TRAF3IP1: variants seen among roughly 807,000 people sequenced by gnomAD.
The protein encoded by TRAF3IP1 is TRAF3-interacting protein 1.
In TRAF3IP1, 53 loss-of-function variants were observed where a neutral mutation model predicts 89.9. The observed-to-expected ratio is 0.59, with a 90% confidence interval of 0.47 to 0.74. TRAF3IP1 has a LOEUF of 0.74. Ranked by LOEUF, TRAF3IP1 falls within the 30% of genes least tolerant of loss-of-function variation. The probability of loss-of-function intolerance (pLI) is 0.00; values close to 1 mark genes in which losing one functional copy is unlikely to be tolerated. For synonymous variants in TRAF3IP1, 311 were observed against 322.1 expected (o/e 0.97, Z 0.37); for missense variants, 806 against 866.1 (o/e 0.93, Z 0.87).
intron 9 of TRAF3IP1, among the ~76,000 whole-genome samples, chr2:238,346,589 G>A (rs117734673): frequency 6.6e-6 from 1 of 152,170 alleles, no homozygotes; most frequent in Non-Finnish European, 1.5e-5. Context: ...CGAGCTAGAG[G>A]TGTCTGTAGA....
chr2:238,336,593 C>A (rs1698399166), intron 7 of TRAF3IP1, among the ~76,000 whole-genome samples: 2 of 151,922 alleles, frequency 1.3e-5, no homozygotes, highest in Admixed American at 1.3e-4. Context: ...AGCATTCTGC[C>A]TGAGAATATT....
At chr2:238,354,337 T>C (rs527883940) in intron 14 of TRAF3IP1, among the ~76,000 whole-genome samples, 2 of 152,370 alleles carry the variant, frequency 1.3e-5, no homozygotes, top group African/African-American at 4.8e-5. Context: ...GGGTTGCTTC[T>C]TGTTTCCAGG....
chr2:238,331,098 G>A lies in TRAF3IP1; in HGVS notation c.916-1726G>A, dbSNP rs149671910. Reference sequence around the variant, plus strand: ...AAGCCTTCGGATTGAGGGTCCCCACGTTATGTTCCCTAAAACTGCTAATGA... The same window carrying A: ...AAGCCTTCGGATTGAGGGTCCCCACATTATGTTCCCTAAAACTGCTAATGA... On this transcript the variant is annotated intron_variant, in intron 5 of 16. Coordinates refer to ENST00000373327, the MANE Select transcript of TRAF3IP1 (RefSeq NM_015650.4). Among the ~76,000 whole-genome samples the A allele has an allele frequency of 2.3e-3, 344 of 152,136 alleles. 2 individuals carry two copies. The highest frequency in any genetic ancestry group is 7.7e-3 in the African/African-American group (319 of 41,488).
chr2:238,365,153 T>C (rs35285009), intron 15 of TRAF3IP1, among the ~76,000 whole-genome samples: 2,888 of 152,340 alleles, frequency 0.019, 43 homozygotes, highest in South Asian at 0.04. Flanking sequence ...ACTTTGGTGA[T>C]AGGAATAGAT....
At chr2:238,382,602 C>T (rs1700593542) in intron 15 of TRAF3IP1, among the ~76,000 whole-genome samples, 1 of 151,962 alleles carries the variant, frequency 6.6e-6, no homozygotes, top group South Asian at 2.1e-4. Context: ...AGGCCTTTTC[C>T]TGGGAGCGGC....
chr2:238,329,172 AC>A lies in TRAF3IP1; in HGVS notation c.746del (p.Thr249LysfsTer14). 1 of 1,563,402 alleles carries A rather than the reference AC, an allele frequency of 6.4e-7. No homozygotes were observed. The highest frequency in any genetic ancestry group is 8.6e-7 in the Non-Finnish European group (1 of 1,157,354). ...CAGAGACTCCGAGCGCAAGAAGGAG[AC>A]AGAGAGAAAGAGTGAGGGGGGGAAA... ...RDRDSERKKE[T>X]ERKSEGGKEK... On this transcript the variant is annotated frameshift_variant, in exon 5 of 17. Transcript: ENST00000373327. LOFTEE classifies it high-confidence loss of function.
At chr2:238,329,622 A>G (rs930679926) in intron 5 of TRAF3IP1, among the ~76,000 whole-genome samples, 2 of 152,246 alleles carry the variant, frequency 1.3e-5, no homozygotes, top group African/African-American at 4.8e-5. Flanking sequence ...TTCCTACTTC[A>G]TGTCCAGGGA....
At chr2:238,384,777 A>G (rs1224349604) in intron 15 of TRAF3IP1, among the ~76,000 whole-genome samples, 1 of 152,114 alleles carries the variant, frequency 6.6e-6, no homozygotes, top group Non-Finnish European at 1.5e-5. Context: ...AAATTTGAAC[A>G]AAAGGTTAAG....
At chr2:238,384,388 A>G (rs867005479) in intron 15 of TRAF3IP1, among the ~76,000 whole-genome samples, 1 of 142,092 alleles carries the variant, frequency 7.0e-6, no homozygotes, top group Non-Finnish European at 1.6e-5. Context: ...ATGTATATAT[A>G]TATATATGGA....
At chr2:238,395,729 C>G (rs373460596) in intron 15 of TRAF3IP1, among the ~76,000 whole-genome samples, 19 of 152,074 alleles carry the variant, frequency 1.2e-4, no homozygotes, top group Admixed American at 1.2e-3. Flanking sequence ...GATATGAACA[C>G]ACACTTCTCA....
rs1261382159 is a variant in TRAF3IP1, at chr2:238,398,834, T to C, written c.1991T>C (p.Ile664Thr). The change falls in exon 17 of 17, where the codon ATC becomes ACC. Residue 664 changes from isoleucine to threonine, a missense_variant. Around this residue, in one of 3 missense-constraint regions of TRAF3IP1, gnomAD observed 70 missense variants for 67.8 expected, o/e 1.03. Transcript: ENST00000373327. ...CTGATCAAAGACCAGCAAGACAAGA[T>C]CTGTGCTGTGAAGGCCAACATCCTC... ...EQLIKDQQDK[I>T]CAVKANILKN... 19 of 1,613,488 alleles carry C rather than the reference T, an allele frequency of 1.2e-5. No homozygotes were observed. The highest frequency in any genetic ancestry group is 1.6e-5 in the Non-Finnish European group (19 of 1,179,768).
At chr2:238,387,799 G>C (rs974932015) in intron 15 of TRAF3IP1, among the ~76,000 whole-genome samples, 10 of 152,348 alleles carry the variant, frequency 6.6e-5, no homozygotes, top group African/African-American at 2.4e-4. Flanking sequence ...ATAATTTTGA[G>C]GCTGGGCATG....
At chr2:238,385,446 A>G (rs529776764) in intron 15 of TRAF3IP1, among the ~76,000 whole-genome samples, 1 of 152,374 alleles carries the variant, frequency 6.6e-6, no homozygotes, top group Admixed American at 6.5e-5. Flanking sequence ...AATATCCATT[A>G]TACTGAAAAC....
rs769773281 is a variant in TRAF3IP1 at position 238,345,758 on chromosome 2, T to C, written c.1261+1160T>C. ...GGGAAGGCCCAGGCTAGAGAGGAGCTGTGAGAGTTGCTGGCGCTGGGTGAT... is the reference window on the plus strand; with the variant it reads ...GGGAAGGCCCAGGCTAGAGAGGAGCCGTGAGAGTTGCTGGCGCTGGGTGAT... On this transcript the variant is annotated intron_variant, in intron 9 of 16. Coordinates refer to ENST00000373327, the MANE Select transcript of TRAF3IP1 (RefSeq NM_015650.4). This position sits in a 1 kb window ranked among gnomAD's most constrained non-coding sequence, Gnocchi z 4.7. Among the ~76,000 whole-genome samples the C allele has an allele frequency of 1.3e-4, 19 of 151,868 alleles. No individual in the cohort carries two copies. Among genetic ancestry groups the C allele is most frequent in the Non-Finnish European group, 1.9e-4 (13 of 67,962 alleles).
chr2:238,396,960 C>T (rs1701253708), intron 15 of TRAF3IP1, among the ~76,000 whole-genome samples: 1 of 152,192 alleles, frequency 6.6e-6, no homozygotes, highest in African/African-American at 2.4e-5. Flanking sequence ...CCAGTTTCTG[C>T]CTCTCCTTTG....
intron 8 of TRAF3IP1, among the ~76,000 whole-genome samples, chr2:238,342,956 G>A (rs985740351): frequency 2.0e-5 from 3 of 152,156 alleles, no homozygotes; most frequent in Non-Finnish European, 4.4e-5. Flanking sequence ...TTCAGGAAAG[G>A]GAACATTTTA....
chr2:238,322,778 C>T (rs375790135), intron 1 of TRAF3IP1, among the ~76,000 whole-genome samples: 1 of 148,046 alleles, frequency 6.8e-6, no homozygotes, highest in South Asian at 2.1e-4. Flanking sequence ...CAATTAGGAA[C>T]GACTGGTCTG....
chr2:238,375,501 G>T lies in TRAF3IP1; in HGVS notation c.1689+19421G>T, dbSNP rs372283786. Among the ~76,000 whole-genome samples the T allele has an allele frequency of 7.9e-5, 12 of 152,296 alleles. No individual in the cohort carries two copies. The East Asian group carries it at 2.3e-3, about 29-fold the overall frequency. On this transcript the variant is annotated intron_variant, in intron 15 of 16. Transcript: ENST00000373327. The stretch of plus-strand genomic sequence containing the variant: ...TGCACTATGGTCTGAGAGACAGCTT[G>T]TCGTGATTTCTGTTCTTTTACATTT...
At chr2:238,354,421 C>T (rs1037916608) in intron 14 of TRAF3IP1, among the ~76,000 whole-genome samples, 10 of 152,050 alleles carry the variant, frequency 6.6e-5, no homozygotes, top group African/African-American at 2.4e-4. Context: ...ATGATATTTC[C>T]AATTCCGATT....
Sources: allele counts gnomAD v4.1 joint callset (sites outside exome capture counted in the v4.1 genomes callset), GRCh38; gene constraint gnomAD v4.1.1; regional missense constraint gnomAD v4.1.1; non-coding constraint Gnocchi (gnomAD v3.1); transcripts MANE v1.5; gene names NCBI Gene and HGNC (gene_info 2026-07-23, HGNC 2026-07-21).